Variants in SLC24A2 observed in about 807,000 individuals in gnomAD.
The protein encoded by SLC24A2 is sodium/potassium/calcium exchanger 2.
Under a neutral mutation model 62.0 loss-of-function variants are expected in SLC24A2, and 36 were observed. That is an observed-to-expected ratio of 0.58 (90% CI 0.44 to 0.77). The LOEUF (loss-of-function observed/expected upper bound fraction) is 0.77, where lower values mean the gene tolerates loss of function less well. SLC24A2 is among the 30% of genes least tolerant of loss of function. The probability of loss-of-function intolerance (pLI) is 0.00; values close to 1 mark genes in which losing one functional copy is unlikely to be tolerated. For synonymous variants in SLC24A2, 358 were observed against 294.0 expected, an observed-to-expected ratio of 1.22 and a Z score of -2.23; for missense variants, 846 against 817.9, an observed-to-expected ratio of 1.03 and a Z score of -0.42.
chr9:20,293,911 G>A, the SLC24A2 span, among the ~76,000 whole-genome samples: 1 of 152,060 alleles, frequency 6.6e-6, no homozygotes, highest in Non-Finnish European at 1.5e-5. Context: ...AAGTCCTCAG[G>A]CTCCACACAA....
the SLC24A2 span, among the ~76,000 whole-genome samples, chr9:20,157,782 A>G: frequency 6.6e-6 from 1 of 151,632 alleles, no homozygotes; most frequent in African/African-American, 2.4e-5. Context: ...TTAGAGAAAT[A>G]AAATATACTC....
the SLC24A2 span, among the ~76,000 whole-genome samples, chr9:19,949,271 G>A: frequency 1.3e-5 from 2 of 152,002 alleles, no homozygotes; most frequent in African/African-American, 2.4e-5. Context: ...TGGGATTACA[G>A]GCATGAGCCA....
At chr9:19,590,071 A>T (rs1836504099) in intron 5 of SLC24A2, among the ~76,000 whole-genome samples, 1 of 152,138 alleles carries the variant, frequency 6.6e-6, no homozygotes, top group Non-Finnish European at 1.5e-5. Context: ...TAGACTTAAG[A>T]GGGTCCCCAA....
the SLC24A2 span, among the ~76,000 whole-genome samples, chr9:19,915,399 G>A: frequency 6.6e-6 from 1 of 152,038 alleles, no homozygotes; most frequent in Non-Finnish European, 1.5e-5. Context: ...GAACATTCCG[G>A]TACAAGCTTT....
the SLC24A2 span, among the ~76,000 whole-genome samples, chr9:20,239,690 T>C: frequency 6.6e-6 from 1 of 152,224 alleles, no homozygotes; most frequent in Admixed American, 6.5e-5. Flanking sequence ...GCAAGTTACT[T>C]AATCTCTCTG....
chr9:20,180,090 A>T, the SLC24A2 span, among the ~76,000 whole-genome samples: 3 of 152,194 alleles, frequency 2.0e-5, no homozygotes, highest in African/African-American at 7.2e-5. Context: ...ATCTAGATAG[A>T]GTGTGGTATA....
the SLC24A2 span, among the ~76,000 whole-genome samples, chr9:20,095,538 C>G: frequency 6.6e-6 from 1 of 152,162 alleles, no homozygotes; most frequent in African/African-American, 2.4e-5. Flanking sequence ...GAAAATTCCC[C>G]CTGACTGCTG....
the SLC24A2 span, among the ~76,000 whole-genome samples, chr9:20,284,647 T>C: frequency 1.3e-5 from 2 of 152,168 alleles, no homozygotes; most frequent in Non-Finnish European, 2.9e-5. Flanking sequence ...ATTTTTATTT[T>C]GAAAAGTTTA....
chr9:19,715,937 C>T (rs2383115), intron 2 of SLC24A2, among the ~76,000 whole-genome samples: 1 of 152,130 alleles, frequency 6.6e-6, no homozygotes, highest in South Asian at 2.1e-4. Context: ...AAAGTTTTCT[C>T]TCTTTTCAGG....
At position 19,619,705 on chromosome 9, in the gene SLC24A2, A is replaced by G. The variant is rs763482794; in HGVS notation, c.970-13T>C. 6.3e-7 allele frequency: 1 copy of G among 1,593,866 alleles called. No homozygotes were observed. The highest frequency in any genetic ancestry group is 1.1e-5 in the South Asian group (1 of 90,702). ...GACGCGGCTTAGCCTGAGCAGAGAA[A>G]CCAAAGAGATGGTTAGTCTCAGGAA... On this transcript the variant is annotated splice_polypyrimidine_tract_variant and intron_variant, in intron 3 of 10. Coordinates refer to ENST00000341998, the MANE Select transcript of SLC24A2 (RefSeq NM_020344.4).
the SLC24A2 span, among the ~76,000 whole-genome samples, chr9:19,991,248 C>T: frequency 6.6e-5 from 10 of 152,146 alleles, no homozygotes; most frequent in African/African-American, 2.2e-4. Context: ...CCTAGCAAGC[C>T]ACTGGTGTAA....
At chr9:20,021,510 T>C in the SLC24A2 span, among the ~76,000 whole-genome samples, 1 of 152,030 alleles carries the variant, frequency 6.6e-6, no homozygotes, top group African/African-American at 2.4e-5. Context: ...GTTCTGGATT[T>C]TCTTGCCCTG....
the SLC24A2 span, among the ~76,000 whole-genome samples, chr9:20,048,757 A>G: frequency 6.6e-6 from 1 of 151,960 alleles, no homozygotes; most frequent in South Asian, 2.1e-4. Flanking sequence ...AAAAAAAAAA[A>G]TCTCAATATT....
the SLC24A2 span, among the ~76,000 whole-genome samples, chr9:19,908,059 G>A: frequency 6.6e-6 from 1 of 152,170 alleles, no homozygotes; most frequent in Non-Finnish European, 1.5e-5. Flanking sequence ...AAAGCTGGAG[G>A]CATCACGTTA....
At chr9:19,905,094 T>C in the SLC24A2 span, among the ~76,000 whole-genome samples, 8 of 152,166 alleles carry the variant, frequency 5.3e-5, no homozygotes, top group Non-Finnish European at 8.8e-5. Flanking sequence ...ATAGATAAAG[T>C]ACCAGGACTC....
chr9:20,210,638 T>G, the SLC24A2 span, among the ~76,000 whole-genome samples: 1 of 748 alleles, frequency 1.3e-3, no homozygotes. Flanking sequence ...AACGCCCGGC[T>G]TTTTTTTTTT....
the SLC24A2 span, among the ~76,000 whole-genome samples, chr9:19,881,866 C>G: frequency 0.67 from 101,295 of 151,964 alleles, 34,606 homozygotes; most frequent in South Asian, 0.76. Context: ...TTCATGGACT[C>G]AGGAGTATAT....
At chr9:20,118,265 C>T in the SLC24A2 span, among the ~76,000 whole-genome samples, 1 of 152,074 alleles carries the variant, frequency 6.6e-6, no homozygotes, top group African/African-American at 2.4e-5. Flanking sequence ...CCAGTATGTA[C>T]CTTGCTGTTA....
the SLC24A2 span, among the ~76,000 whole-genome samples, chr9:20,144,834 G>C: frequency 1.3e-5 from 2 of 151,920 alleles, no homozygotes; most frequent in African/African-American, 2.4e-5. Flanking sequence ...CTTTGGAAAT[G>C]TTAGTTTAAA....
Sources: gnomAD v4.1 joint callset for allele counts (sites outside exome capture counted in the v4.1 genomes callset) on GRCh38, gnomAD v4.1.1 for gene constraint, MANE v1.5 for transcripts, NCBI Gene and HGNC (gene_info 2026-07-23, HGNC 2026-07-21) for gene names.